Variants in PDLIM5 observed in about 807,000 individuals in gnomAD.
The protein encoded by PDLIM5 is PDZ and LIM domain 5.
PDLIM5 carries 34 observed loss-of-function variants against 64.2 expected under a neutral mutation model. That is an observed-to-expected ratio of 0.53 (90% confidence interval 0.40 to 0.71). PDLIM5 has a LOEUF of 0.71. PDLIM5 is among the 30% of genes least tolerant of loss of function. PDLIM5 has a pLI of 0.00. For synonymous variants in PDLIM5, 253 were observed against 269.1 expected (o/e 0.94, Z 0.59); for missense variants, 683 against 733.6 (o/e 0.93, Z 0.80).
chr4:94,600,096 C>T (rs1737374059), intron 7 of PDLIM5, among the ~76,000 whole-genome samples: 2 of 152,022 alleles, frequency 1.3e-5, no homozygotes, highest in African/African-American at 4.8e-5. Flanking sequence ...AAGTGGGAAG[C>T]ATGATGTGAT....
At chr4:94,655,657 C>T (rs762169103) in intron 10 of PDLIM5, among the ~76,000 whole-genome samples, 49 of 152,146 alleles carry the variant, frequency 3.2e-4, no homozygotes, top group African/African-American at 1.2e-3. Flanking sequence ...CAAATGATAA[C>T]AAATAATTAA....
In PDLIM5 at chr4:94,665,384, A is replaced by T; in HGVS notation, c.*1317A>T. 3.1e-6 allele frequency: 1 copy of T among 318,210 alleles called. No homozygotes were observed. The highest frequency in any genetic ancestry group is 4.5e-6 in the Non-Finnish European group (1 of 222,204). 19.7% of individuals were successfully genotyped at this position (318,210 alleles called of 1,614,324 possible). On this transcript the variant is annotated 3_prime_UTR_variant, in exon 13 of 13. Transcript: ENST00000317968. ...GTAGTCCCATGTACTTGGGAGGCTGAGGCAGGAAAATTCTTGAACCCAGGA... is the reference window on the plus strand; with the variant it reads ...GTAGTCCCATGTACTTGGGAGGCTGTGGCAGGAAAATTCTTGAACCCAGGA...
At chr4:94,479,267 A>T in intron 2 of PDLIM5, among the ~76,000 whole-genome samples, 3 of 138,116 alleles carry the variant, frequency 2.2e-5, no homozygotes, top group Non-Finnish European at 4.7e-5. Context: ...TGCTCTATTT[A>T]TTTCCTATTA....
At chr4:94,582,553 G>A in intron 5 of PDLIM5, 1 of 543,912 alleles carries the variant, frequency 1.8e-6, no homozygotes, top group South Asian at 2.9e-5. Flanking sequence ...GAAGCATGAT[G>A]TTTGTGTAAC....
At chr4:94,490,655 GTAA>G (rs1252847731) in intron 2 of PDLIM5, among the ~76,000 whole-genome samples, 1 of 152,070 alleles carries the variant, frequency 6.6e-6, no homozygotes, top group African/African-American at 2.4e-5. Flanking sequence ...TGATAATTGT[GTAA>G]ATGTTAAATG....
Position 94,574,049 on chromosome 4 carries a change from A to G in PDLIM5, c.291+656A>G, listed in dbSNP as rs1356600311. Among the ~76,000 whole-genome samples, 4 of 152,152 alleles carry G rather than the reference A, an allele frequency of 2.6e-5. No homozygotes were observed. In the East Asian group the frequency reaches 5.8e-4, roughly 22 times the overall value. On this transcript the variant is annotated intron_variant, in intron 4 of 12. Coordinates refer to ENST00000317968, the MANE Select transcript of PDLIM5 (RefSeq NM_006457.5). ...CAGATTTTGGATTCTTGGATTAGGGATGCTCCTGCATTCTACAAAGATTCA... is the reference window on the plus strand; with the variant it reads ...CAGATTTTGGATTCTTGGATTAGGGGTGCTCCTGCATTCTACAAAGATTCA...
chr4:94,493,340 C>T (rs1243451837), intron 2 of PDLIM5, among the ~76,000 whole-genome samples: 7 of 151,106 alleles, frequency 4.6e-5, no homozygotes, highest in African/African-American at 2.4e-5. Context: ...GAGGCAGAGT[C>T]TCACTCTGTC....
At chr4:94,557,082 A>G (rs931108999) in intron 3 of PDLIM5, among the ~76,000 whole-genome samples, 3 of 152,178 alleles carry the variant, frequency 2.0e-5, no homozygotes, top group South Asian at 2.1e-4. Flanking sequence ...TAATTTTCGT[A>G]TAAGATGTAA....
chr4:94,561,234 A>G, intron 3 of PDLIM5, among the ~76,000 whole-genome samples: 1 of 152,200 alleles, frequency 6.6e-6, no homozygotes, highest in Admixed American at 6.5e-5. Context: ...TGATAGTGGT[A>G]TTATTCAAGT....
chr4:94,469,280 TGATG>T, intron 2 of PDLIM5, among the ~76,000 whole-genome samples: 1 of 151,648 alleles, frequency 6.6e-6, no homozygotes, highest in Non-Finnish European at 1.5e-5. Flanking sequence ...TTTAATAAGG[TGATG>T]TGCCAGAGAG....
intron 8 of PDLIM5, among the ~76,000 whole-genome samples, chr4:94,639,423 T>C (rs1477562730): frequency 6.6e-6 from 1 of 152,154 alleles, no homozygotes; most frequent in Non-Finnish European, 1.5e-5. Context: ...TGGTCGAGGT[T>C]GGTGACGTTG....
chr4:94,581,560 C>T (rs1214195222), intron 5 of PDLIM5, among the ~76,000 whole-genome samples: 2 of 152,154 alleles, frequency 1.3e-5, no homozygotes, highest in Non-Finnish European at 2.9e-5. Flanking sequence ...TCCTGCATCT[C>T]ACCCTCACTC....
rs373283714 is a variant in PDLIM5, at chr4:94,586,457, T to C, written c.920+13T>C. 2.4e-5 allele frequency: 35 copies of C among 1,480,952 alleles called. No homozygotes were observed. Among genetic ancestry groups the C allele is most frequent in the Non-Finnish European group, 3.3e-5 (35 of 1,064,196 alleles). 91.7% of individuals were successfully genotyped at this position (1,480,952 alleles called of 1,614,324 possible). On this transcript the variant is annotated intron_variant, in intron 7 of 12. Transcript: ENST00000317968. ...CAAAGAAGGCAAAGTAAGTTCTCTA[T>C]CTTTTTGACAATTGAATGTTTTCCT...
intron 5 of PDLIM5, among the ~76,000 whole-genome samples, chr4:94,580,804 C>T (rs1030024372): frequency 1.3e-4 from 19 of 151,744 alleles, no homozygotes; most frequent in African/African-American, 4.6e-4. Flanking sequence ...TTTTGATGTG[C>T]CTTTCCCTAT....
intron 3 of PDLIM5, among the ~76,000 whole-genome samples, chr4:94,544,471 C>T (rs1732128988): frequency 6.6e-6 from 1 of 152,108 alleles, no homozygotes. Flanking sequence ...AAGCAAGTGG[C>T]TCAAGAGCGG....
intron 2 of PDLIM5, among the ~76,000 whole-genome samples, chr4:94,498,584 AG>A (rs1295071027): frequency 6.6e-6 from 1 of 152,248 alleles, no homozygotes; most frequent in Admixed American, 6.5e-5. Context: ...TAACTTCACA[AG>A]GCAACACTTG....
intron 7 of PDLIM5, among the ~76,000 whole-genome samples, chr4:94,592,618 A>AGTTTT (rs899559388): frequency 7.2e-5 from 11 of 152,048 alleles, no homozygotes; most frequent in Non-Finnish European, 1.5e-4. Flanking sequence ...CCCTTTTCCA[A>AGTTTT]GTTTTGTTTT....
intron 2 of PDLIM5, among the ~76,000 whole-genome samples, chr4:94,508,501 A>C (rs1401771766): frequency 6.6e-6 from 1 of 152,120 alleles, no homozygotes; most frequent in Non-Finnish European, 1.5e-5. Context: ...TGTATAAAGG[A>C]GTCTGTTGCC....
chr4:94,535,659 G>A (rs1731257743), intron 3 of PDLIM5, among the ~76,000 whole-genome samples: 1 of 152,130 alleles, frequency 6.6e-6, no homozygotes, highest in African/African-American at 2.4e-5. Flanking sequence ...GGTGGAGAGA[G>A]ACCCAGGTCC....
Sources: gnomAD v4.1 joint callset for allele counts (sites outside exome capture counted in the v4.1 genomes callset) on GRCh38, gnomAD v4.1.1 for gene constraint, MANE v1.5 for transcripts, NCBI Gene and HGNC (gene_info 2026-07-23, HGNC 2026-07-21) for gene names.